NTRK3: variants seen among roughly 807,000 people sequenced by gnomAD.
The protein encoded by NTRK3 is neurotrophic receptor tyrosine kinase 3.
A neutral mutation model predicts 91.7 loss-of-function variants in NTRK3; 24 were observed. The ratio of observed to expected loss-of-function variants is 0.26; its 90% CI spans 0.19 to 0.37. NTRK3 has a LOEUF of 0.37. Ranked by LOEUF, NTRK3 falls within the 10% of genes least tolerant of loss-of-function variation. NTRK3 has a pLI of 1.00. For missense variants in NTRK3, 880 were observed against 1,068.9 expected (o/e 0.82, Z 2.46); for synonymous variants, 483 against 404.0 (o/e 1.20, Z -2.34).
At chr15:88,001,055 T>C (rs926036071) in intron 14 of NTRK3, among the ~76,000 whole-genome samples, 3 of 152,208 alleles carry the variant, frequency 2.0e-5, no homozygotes, top group African/African-American at 7.2e-5. Flanking sequence ...CCAGTGGGTA[T>C]AAAATGATAT....
At chr15:88,059,691 G>C (rs939529483) in intron 13 of NTRK3, among the ~76,000 whole-genome samples, 1 of 152,126 alleles carries the variant, frequency 6.6e-6, no homozygotes, top group Non-Finnish European at 1.5e-5. Flanking sequence ...ATGGTCGGGG[G>C]ATAAAGAGGA....
intron 14 of NTRK3, among the ~76,000 whole-genome samples, chr15:87,961,189 G>A (rs900989176): frequency 4.6e-5 from 7 of 152,130 alleles, no homozygotes; most frequent in African/African-American, 1.7e-4. Context: ...CAGGGCATAT[G>A]GGTACTTATC....
chr15:87,983,257 G>T (rs947579783), intron 14 of NTRK3, among the ~76,000 whole-genome samples: 3 of 152,188 alleles, frequency 2.0e-5, no homozygotes, highest in Non-Finnish European at 2.9e-5. Flanking sequence ...TGGCGCTGGG[G>T]CCCTGGGTGG....
In NTRK3 at chr15:88,148,104, G is replaced by T. The variant is rs541468437; in HGVS notation, c.396-701C>A. 3.9e-5 allele frequency among the ~76,000 whole-genome samples: 6 copies of T among 152,318 alleles called. No individual in the cohort carries two copies. In the South Asian group the frequency reaches 1.2e-3, roughly 32 times the overall value. Reference sequence around the variant, plus strand: ...ATTGAAGTGGCATCCCAGGAACAATGTACTCATCTACTGATGGGAACAAAT... The same window carrying T: ...ATTGAAGTGGCATCCCAGGAACAATTTACTCATCTACTGATGGGAACAAAT... On this transcript the variant is annotated intron_variant, in intron 5 of 18. Transcript: ENST00000394480.
intron 14 of NTRK3, among the ~76,000 whole-genome samples, chr15:88,007,237 C>A (rs1044465404): frequency 4.6e-5 from 7 of 152,202 alleles, no homozygotes; most frequent in Non-Finnish European, 7.3e-5. Flanking sequence ...GACAAGGAAG[C>A]AAGGCTTAAA....
exon 19 of NTRK3, chr15:87,870,045 C>A (rs1230456210): frequency 1.6e-5 from 3 of 190,348 alleles, no homozygotes. Flanking sequence ...GGTATCTGCC[C>A]AGAGGAAAAG....
At chr15:87,930,042 A>C (rs1301392438) in intron 16 of NTRK3, among the ~76,000 whole-genome samples, 1 of 152,122 alleles carries the variant, frequency 6.6e-6, no homozygotes, top group Non-Finnish European at 1.5e-5. Context: ...TGGCTAGGTG[A>C]GCTTGCTCAT....
rs367720095 is a variant in NTRK3 at position 88,150,148 on chromosome 15, G to T, written c.396-2745C>A. 9.9e-5 allele frequency among the ~76,000 whole-genome samples: 15 copies of T among 152,266 alleles called. No homozygotes were observed. In the South Asian group the frequency reaches 2.1e-3, roughly 21 times the overall value. On this transcript the variant is annotated intron_variant, in intron 5 of 18. Transcript: ENST00000394480. Reference sequence around the variant, plus strand: ...TTGAGCCCTGAAGAACATGCCCCTGGTAAGGTACAAAAGCAACTGGTGGGA... The same window carrying T: ...TTGAGCCCTGAAGAACATGCCCCTGTTAAGGTACAAAAGCAACTGGTGGGA...
At chr15:87,978,272 A>G (rs915000565) in intron 14 of NTRK3, 1 of 230,782 alleles carries the variant, frequency 4.3e-6, no homozygotes, top group Non-Finnish European at 8.6e-6. Context: ...GAGTCAAAGC[A>G]AGCAAAGTAA....
At chr15:87,863,986 C>CACACAT (rs752233198) in exon 19 of NTRK3, 9,715 of 202,796 alleles carry the variant, frequency 0.048, 429 homozygotes, top group African/African-American at 0.14. Context: ...CACACACACA[C>CACACAT]ACACACATAC....
chr15:87,916,308 GA>G (rs11353828), intron 17 of NTRK3: 43,559 of 322,604 alleles, frequency 0.14, 84 homozygotes, highest in East Asian at 0.2. Flanking sequence ...TTTGTCTCAG[GA>G]AAAAAAAAAA....
Position 88,086,823 on chromosome 15 carries a change from C to T in NTRK3, c.1396+39448G>A, listed in dbSNP as rs150880534. ...CTGGGGCAGTTGTGTGGTGGATGAC[C>T]CTAGTTTTTCTCTTCACCTGGAAGT... is the stretch of plus-strand genomic sequence containing the variant. On this transcript the variant is annotated intron_variant, in intron 13 of 18. Coordinates refer to ENST00000394480, the Ensembl canonical transcript of NTRK3. Among the ~76,000 whole-genome samples, 864 of 152,242 alleles carry T rather than the reference C, an allele frequency of 5.7e-3. 3 individuals carry two copies. The highest frequency in any genetic ancestry group is 9.8e-3 in the Non-Finnish European group (665 of 68,026).
intron 17 of NTRK3, among the ~76,000 whole-genome samples, chr15:87,914,475 A>G (rs1007005548): frequency 3.3e-5 from 5 of 152,348 alleles, no homozygotes; most frequent in Non-Finnish European, 5.9e-5. Context: ...GGATTCATGT[A>G]AGAAGATTTA....
intron 3 of NTRK3, among the ~76,000 whole-genome samples, chr15:88,242,529 T>A (rs571087854): frequency 6.6e-6 from 1 of 152,380 alleles, no homozygotes; most frequent in African/African-American, 2.4e-5. Flanking sequence ...CCCTTTGAGC[T>A]GTAGATCATT....
intron 16 of NTRK3, chr15:87,931,159 A>C (rs760104785): frequency 2.0e-6 from 1 of 502,168 alleles, no homozygotes; most frequent in Admixed American, 2.1e-5. Flanking sequence ...CTTCCCTTTT[A>C]TCATGTATGA....
intron 14 of NTRK3, among the ~76,000 whole-genome samples, chr15:88,008,292 T>C (rs1452918581): frequency 6.6e-6 from 1 of 152,156 alleles, no homozygotes; most frequent in East Asian, 1.9e-4. Context: ...TGGTTCTATT[T>C]CTACCAATGC....
chr15:87,999,002 G>T (rs145414077), intron 14 of NTRK3, among the ~76,000 whole-genome samples: 41 of 152,162 alleles, frequency 2.7e-4, no homozygotes, highest in Non-Finnish European at 5.4e-4. Context: ...TCAAAAATGG[G>T]GCTTCCCAAA....
At chr15:87,930,315 A>C (rs762534086) in intron 16 of NTRK3, among the ~76,000 whole-genome samples, 2 of 152,144 alleles carry the variant, frequency 1.3e-5, no homozygotes, top group African/African-American at 2.4e-5. Context: ...TTTCTCTAGA[A>C]AGCCCAGTGA....
At chr15:87,907,634 C>G (rs2066851781) in intron 17 of NTRK3, among the ~76,000 whole-genome samples, 1 of 152,096 alleles carries the variant, frequency 6.6e-6, no homozygotes, top group African/African-American at 2.4e-5. Context: ...GAAAGCCTCT[C>G]AAGATGGCAA....
Sources: gnomAD v4.1 joint callset for allele counts (sites outside exome capture counted in the v4.1 genomes callset) on GRCh38, gnomAD v4.1.1 for gene constraint, MANE v1.5 for transcripts, NCBI Gene and HGNC (gene_info 2026-07-23, HGNC 2026-07-21) for gene names.